Variants in CPS1 observed in about 807,000 individuals in gnomAD.
The protein encoded by CPS1 is carbamoyl-phosphate synthase [ammonia], mitochondrial.
CPS1 carries 109 observed loss-of-function variants against 174.6 expected under a neutral mutation model. The observed-to-expected ratio is 0.62, with a 90% CI of 0.53 to 0.73. The LOEUF (loss-of-function observed/expected upper bound fraction) is 0.73, where lower values mean the gene tolerates loss of function less well. CPS1 is among the 30% of genes least tolerant of loss of function. The probability of loss-of-function intolerance (pLI) is 0.00; values close to 1 mark genes in which losing one functional copy is unlikely to be tolerated. For missense variants in CPS1, 1,689 were observed against 1,821.9 expected (o/e 0.93, Z 1.33); for synonymous variants, 637 against 632.0 (o/e 1.01, Z -0.12).
intron 33 of CPS1, among the ~76,000 whole-genome samples, chr2:210,667,381 G>T (rs777165672): frequency 7.2e-5 from 11 of 152,068 alleles, no homozygotes; most frequent in Non-Finnish European, 1.3e-4. Flanking sequence ...TGTGCCAAAT[G>T]ATGATATACA....
intron 1 of CPS1, chr2:210,519,882 C>A: frequency 3.0e-6 from 2 of 665,910 alleles, no homozygotes; most frequent in Non-Finnish European, 3.7e-6. Flanking sequence ...ATCAGAGATG[C>A]GTTCCAGCAT....
chr2:210,556,694 T>G lies in CPS1; in HGVS notation c.-40T>G. The G allele has an allele frequency of 6.2e-7, 1 of 1,608,390 alleles. No homozygotes were observed. The highest frequency in any genetic ancestry group is 8.5e-7 in the Non-Finnish European group (1 of 1,177,718). ...AGTCTTATCACACAATCTCATAAAA[T>G]TTATGTAATTTCATTTAATTTTAGC... On this transcript the variant is annotated 5_prime_UTR_variant, in exon 1 of 38. Coordinates refer to ENST00000233072, the MANE Select transcript of CPS1 (RefSeq NM_001875.5).
intron 20 of CPS1, among the ~76,000 whole-genome samples, chr2:210,615,111 A>G (rs1699261562): frequency 1.3e-5 from 2 of 151,934 alleles, no homozygotes; most frequent in Non-Finnish European, 2.9e-5. Flanking sequence ...ACAGGATTCT[A>G]GGCCCTCCCT....
chr2:210,639,346 C>T, intron 23 of CPS1, 131 bp downstream of exon 23: 2 of 730,210 alleles, frequency 2.7e-6, no homozygotes, highest in Middle Eastern at 6.0e-4. Context: ...GGCGCGGTGG[C>T]TCACGCCTGT....
At chr2:210,651,283 G>A (rs942149501) in intron 28 of CPS1, among the ~76,000 whole-genome samples, 2 of 152,132 alleles carry the variant, frequency 1.3e-5, no homozygotes, top group Non-Finnish European at 2.9e-5. Flanking sequence ...CACACATGAC[G>A]CTGGATCGCT....
At chr2:210,639,309 A>G (rs750344198) in intron 23 of CPS1, 94 bp downstream of exon 23, 3 of 1,057,134 alleles carry the variant, frequency 2.8e-6, no homozygotes, top group Non-Finnish European at 2.9e-6. Flanking sequence ...TTGGATATCT[A>G]GGTAATAAAA....
intron 1 of CPS1, among the ~76,000 whole-genome samples, chr2:210,530,220 C>T (rs1696082904): frequency 6.6e-6 from 1 of 151,944 alleles, no homozygotes; most frequent in Non-Finnish European, 1.5e-5. Context: ...TTAAGTAATA[C>T]AGTTTTTGAT....
chr2:210,642,743 G>C, intron 25 of CPS1, 78 bp downstream of exon 25: 1 of 1,194,500 alleles, frequency 8.4e-7, no homozygotes, highest in Non-Finnish European at 1.2e-6. Flanking sequence ...ATGCATTCTG[G>C]TATATAGATG....
chr2:210,489,724 T>C (rs770512998), intron 1 of CPS1, among the ~76,000 whole-genome samples: 7 of 152,114 alleles, frequency 4.6e-5, no homozygotes, highest in Non-Finnish European at 8.8e-5. Context: ...TCTTCCATAC[T>C]ATTATAAGAA....
In CPS1 at chr2:210,674,954, G is replaced by A. The variant is rs1351760831; in HGVS notation, c.4154G>A (p.Gly1385Asp). ...GTGGCTGAACAATTACACAATGAAG[G>A]TTTCAAGGTATGTTCATTAGTTTTA... ...LGVAEQLHNE[G>D]FKLFATEATS... The change falls in exon 35 of 38, where the codon GGT (glycine) becomes GAT (aspartate). Residue 1385 changes from glycine (G) to aspartate (D), a missense_variant. Transcript: ENST00000233072. The A allele has an allele frequency of 2.5e-6, 4 of 1,611,594 alleles. No individual in the cohort carries two copies. Among genetic ancestry groups the A allele is most frequent in the South Asian group, 2.2e-5 (2 of 91,046 alleles).
intron 30 of CPS1, 44 bp from the exon 31 acceptor site, chr2:210,658,555 G>C (rs1700800006): frequency 1.3e-6 from 2 of 1,545,596 alleles, no homozygotes; most frequent in African/African-American, 1.4e-5. Context: ...CAAAAACTAA[G>C]ATATGCTCTT....
At chr2:210,522,863 T>C (rs544174588) in intron 1 of CPS1, among the ~76,000 whole-genome samples, 1 of 152,114 alleles carries the variant, frequency 6.6e-6, no homozygotes, top group South Asian at 2.1e-4. Flanking sequence ...CTCTGTTGTA[T>C]TGGAAATCAT....
intron 21 of CPS1, among the ~76,000 whole-genome samples, chr2:210,626,878 T>G (rs1233551480): frequency 6.6e-6 from 1 of 152,184 alleles, no homozygotes; most frequent in Non-Finnish European, 1.5e-5. Context: ...TAAAGTACAT[T>G]TCTATTATAA....
intron 19 of CPS1, among the ~76,000 whole-genome samples, chr2:210,609,675 G>GTCTA (rs1699041202): frequency 4.0e-5 from 6 of 151,868 alleles, no homozygotes; most frequent in Admixed American, 2.0e-4. Context: ...TGTGGCCAGT[G>GTCTA]TGGGAGCTTT....
At chr2:210,508,861 C>T (rs1695366079) in intron 1 of CPS1, among the ~76,000 whole-genome samples, 1 of 152,180 alleles carries the variant, frequency 6.6e-6, no homozygotes, top group Non-Finnish European at 1.5e-5. Context: ...AGACCGATAA[C>T]AGGCTCTGAA....
At chr2:210,493,545 T>G (rs76233525) in intron 1 of CPS1, among the ~76,000 whole-genome samples, 76 of 152,354 alleles carry the variant, frequency 5.0e-4, no homozygotes, top group Middle Eastern at 3.4e-3. Context: ...TTACATATAT[T>G]CTACAGGAAG....
chr2:210,482,271 C>A (rs1395401498), intron 1 of CPS1, among the ~76,000 whole-genome samples: 1 of 151,574 alleles, frequency 6.6e-6, no homozygotes, highest in Non-Finnish European at 1.5e-5. Flanking sequence ...TTTTAAAAAT[C>A]TTCATATGAA....
chr2:210,501,408 CT>C (rs1235854178), intron 1 of CPS1, among the ~76,000 whole-genome samples: 1 of 152,140 alleles, frequency 6.6e-6, no homozygotes, highest in Non-Finnish European at 1.5e-5. Flanking sequence ...CTCTGCTTCC[CT>C]TTTAAACATA....
Position 210,668,239 on chromosome 2 carries a change from C to T in CPS1, c.4056C>T (p.Ser1352=). 6.2e-7 allele frequency: 1 copy of T among 1,613,778 alleles called. No individual in the cohort carries two copies. The highest frequency in any genetic ancestry group is 8.5e-7 in the Non-Finnish European group (1 of 1,179,904). The change falls in exon 34 of 38, where the codon TCC becomes TCT. Residue 1352 remains serine, a synonymous_variant. Transcript: ENST00000233072. ...CAGCCTTCCTAAAGGCAATGCTTTC[C>T]ACAGGATTTAAGATACCCCAGAAAG... ...IHTAFLKAML[S]TGFKIPQKGI... is the part of the protein sequence containing the mutation.
Sources: gnomAD v4.1 joint callset for allele counts (sites outside exome capture counted in the v4.1 genomes callset) on GRCh38, gnomAD v4.1.1 for gene constraint, MANE v1.5 for transcripts, NCBI Gene and HGNC (gene_info 2026-07-23, HGNC 2026-07-21) for gene names.